GALNTL6: variants seen among roughly 807,000 people sequenced by gnomAD.
GALNTL6 encodes polypeptide N-acetylgalactosaminyltransferase like 6.
A neutral mutation model predicts 73.7 loss-of-function variants in GALNTL6; 46 were observed. That is an observed-to-expected ratio of 0.62 (90% CI 0.49 to 0.80). The LOEUF is 0.80. Ranked by LOEUF, GALNTL6 falls within the 30% of genes least tolerant of loss-of-function variation. The pLI is 0.00. For synonymous variants in GALNTL6, 259 were observed against 263.7 expected, an observed-to-expected ratio of 0.98 and a Z score of 0.17; for missense variants, 604 against 755.0, an observed-to-expected ratio of 0.80 and a Z score of 2.34.
chr4:172,164,292 A>G (rs1201056120), intron 2 of GALNTL6, among the ~76,000 whole-genome samples: 1 of 152,074 alleles, frequency 6.6e-6, no homozygotes, highest in Admixed American at 6.6e-5. Flanking sequence ...CACTATTTAG[A>G]TGTTCCCATC....
chr4:172,063,979 A>C (rs575694266), intron 2 of GALNTL6, among the ~76,000 whole-genome samples: 34 of 152,304 alleles, frequency 2.2e-4, no homozygotes, highest in African/African-American at 6.5e-4. Context: ...GTGGCCCACT[A>C]TCCAAATCCT....
At chr4:172,177,791 A>ATATGTATACACACACATATATGTGTGTG (rs1735074285) in intron 2 of GALNTL6, among the ~76,000 whole-genome samples, 1 of 101,736 alleles carries the variant, frequency 9.8e-6, no homozygotes, top group Non-Finnish European at 2.1e-5. Flanking sequence ...ACACATGTGT[A>ATATGTATACACACACATATATGTGTGTG]TATATATACA....
intron 5 of GALNTL6, among the ~76,000 whole-genome samples, chr4:172,514,907 G>C (rs190578909): frequency 2.0e-4 from 30 of 152,248 alleles, no homozygotes; most frequent in Admixed American, 1.8e-3. Flanking sequence ...GTGTTCACTG[G>C]CAGACTTTCC....
intron 10 of GALNTL6, among the ~76,000 whole-genome samples, chr4:172,993,949 G>T (rs1279355855): frequency 6.6e-6 from 1 of 152,056 alleles, no homozygotes; most frequent in Non-Finnish European, 1.5e-5. Flanking sequence ...AAAAAATATT[G>T]GCTTTTGACA....
At chr4:172,355,550 T>G in intron 5 of GALNTL6, among the ~76,000 whole-genome samples, 1 of 152,134 alleles carries the variant, frequency 6.6e-6, no homozygotes, top group East Asian at 1.9e-4. Flanking sequence ...GAAAAAAATC[T>G]TATGCTTGCT....
At chr4:172,075,328 T>TTTTGTTTG (rs543149773) in intron 2 of GALNTL6, among the ~76,000 whole-genome samples, 10 of 152,036 alleles carry the variant, frequency 6.6e-5, no homozygotes, top group Admixed American at 6.6e-4. Context: ...ACAGGTATCT[T>TTTTGTTTG]TTTGTTTGTT....
rs1363544210 is a variant in GALNTL6, at chr4:172,504,175, A to AAAAAAAAAAAAAAAC, written c.553+155490_553+155491insAAAAAAAAAACAAAA. 6.6e-4 allele frequency among the ~76,000 whole-genome samples: 26 copies of AAAAAAAAAAAAAAAC among 39,310 alleles called. 3 individuals carry two copies. The highest frequency in any genetic ancestry group is 1.9e-3 in the African/African-American group (25 of 13,014). The allele number at this position is 39,310 out of a possible 152,430, so 25.8% of individuals were successfully genotyped here. ...ACTCTGTCTCAAAAAAAAAAAAAAAAAAAACTCACACCTTGTTGATATTGG... is the reference window on the plus strand; with the variant it reads ...ACTCTGTCTCAAAAAAAAAAAAAAAAAAAAAAAAAAAAAACAAAACTCACACCTTGTTGATATTGG... On this transcript the variant is annotated intron_variant, in intron 5 of 12. Coordinates refer to ENST00000506823, the MANE Select transcript of GALNTL6 (RefSeq NM_001034845.3).
chr4:172,043,455 C>G (rs1212819392), intron 2 of GALNTL6, among the ~76,000 whole-genome samples: 2 of 152,038 alleles, frequency 1.3e-5, no homozygotes, highest in Non-Finnish European at 2.9e-5. Context: ...GGTCACATTT[C>G]TCAGCACTGT....
chr4:172,041,919 C>T (rs1742095125), intron 2 of GALNTL6, among the ~76,000 whole-genome samples: 1 of 152,048 alleles, frequency 6.6e-6, no homozygotes, highest in Admixed American at 6.6e-5. Flanking sequence ...TTAAAGAGGA[C>T]TGGCAGTTGA....
At chr4:172,797,277 G>C (rs1740325046) in intron 5 of GALNTL6, among the ~76,000 whole-genome samples, 1 of 152,088 alleles carries the variant, frequency 6.6e-6, no homozygotes, top group African/African-American at 2.4e-5. Flanking sequence ...TTTGGAGACA[G>C]AGTCTTGCTC....
intron 2 of GALNTL6, 83 bp downstream of exon 2, chr4:171,814,801 A>G: frequency 6.9e-7 from 1 of 1,448,764 alleles, no homozygotes; most frequent in Non-Finnish European, 9.5e-7. Flanking sequence ...CCGGTGTGGG[A>G]TCGCCTTGGG....
At chr4:172,637,619 A>G (rs1301770533) in intron 5 of GALNTL6, among the ~76,000 whole-genome samples, 3 of 152,212 alleles carry the variant, frequency 2.0e-5, no homozygotes, top group Non-Finnish European at 2.9e-5. Context: ...ATTACAAACA[A>G]CACAATAAAT....
At chr4:171,921,037 T>C (rs1182652776) in intron 2 of GALNTL6, among the ~76,000 whole-genome samples, 1 of 152,156 alleles carries the variant, frequency 6.6e-6, no homozygotes, top group Non-Finnish European at 1.5e-5. Context: ...GACTGGCATG[T>C]ATCTTTCTAA....
At chr4:171,884,949 C>T (rs555399553) in intron 2 of GALNTL6, among the ~76,000 whole-genome samples, 17 of 151,530 alleles carry the variant, frequency 1.1e-4, no homozygotes, top group Admixed American at 7.9e-4. Context: ...CCCAGCTACT[C>T]GGAAGGCTGA....
At chr4:172,544,507 C>T (rs1029102012) in intron 5 of GALNTL6, among the ~76,000 whole-genome samples, 1 of 152,140 alleles carries the variant, frequency 6.6e-6, no homozygotes, top group African/African-American at 2.4e-5. Flanking sequence ...AAGAAAAGAA[C>T]AATTAAATAA....
At chr4:172,785,001 C>T (rs1161493524) in intron 5 of GALNTL6, among the ~76,000 whole-genome samples, 2 of 152,080 alleles carry the variant, frequency 1.3e-5, no homozygotes, top group African/African-American at 2.4e-5. Context: ...AGGACATCTC[C>T]ACAAGGACAG....
intron 5 of GALNTL6, among the ~76,000 whole-genome samples, chr4:172,500,879 ATAGT>A (rs1177261543): frequency 6.6e-6 from 1 of 152,206 alleles, no homozygotes; most frequent in Non-Finnish European, 1.5e-5. Flanking sequence ...TGTAGAGGAA[ATAGT>A]TAATTATAGT....
intron 2 of GALNTL6, among the ~76,000 whole-genome samples, chr4:171,818,662 T>G (rs1440910934): frequency 6.6e-6 from 1 of 151,846 alleles, no homozygotes; most frequent in Non-Finnish European, 1.5e-5. Flanking sequence ...TTTCTATTTT[T>G]AAAGTAGGAC....
chr4:172,321,765 A>C (rs894624006), intron 4 of GALNTL6, among the ~76,000 whole-genome samples: 1 of 152,190 alleles, frequency 6.6e-6, no homozygotes, highest in African/African-American at 2.4e-5. Flanking sequence ...AAGGCAGACA[A>C]AAGCAGGGCA....
Sources: allele counts gnomAD v4.1 joint callset (sites outside exome capture counted in the v4.1 genomes callset), GRCh38; gene constraint gnomAD v4.1.1; transcripts MANE v1.5; gene names NCBI Gene and HGNC (gene_info 2026-07-23, HGNC 2026-07-21).